Variants in NCAM1 observed in about 807,000 individuals in gnomAD.
The protein encoded by NCAM1 is antigen recognized by monoclonal antibody 5.1H11.
In NCAM1, 14 loss-of-function variants were observed where a neutral mutation model predicts 109.8. The observed-to-expected ratio is 0.13, with a 90% CI of 0.08 to 0.20. NCAM1 has a LOEUF of 0.20. Ranked by LOEUF, NCAM1 falls within the 10% of genes least tolerant of loss-of-function variation. The probability of loss-of-function intolerance (pLI) is 1.00; values close to 1 mark genes in which losing one functional copy is unlikely to be tolerated. For missense variants in NCAM1, 774 were observed against 1,109.9 expected (o/e 0.70, Z 4.30); for synonymous variants, 418 against 442.9 (o/e 0.94, Z 0.70).
At chr11:113,060,322 A>C (rs1953872522) in intron 1 of NCAM1, among the ~76,000 whole-genome samples, 1 of 152,144 alleles carries the variant, frequency 6.6e-6, no homozygotes, top group African/African-American at 2.4e-5. Context: ...TGCCCATTTT[A>C]TGAACTAAAT....
intron 17 of NCAM1, among the ~76,000 whole-genome samples, chr11:113,265,648 T>G (rs1555124297): frequency 1.3e-5 from 2 of 152,204 alleles, no homozygotes; most frequent in Admixed American, 1.3e-4. Context: ...AGACGCATCC[T>G]GCAAGCCCCT....
chr11:113,112,386 AATTG>A (rs1415921516), intron 1 of NCAM1, among the ~76,000 whole-genome samples: 3 of 152,200 alleles, frequency 2.0e-5, no homozygotes, highest in African/African-American at 4.8e-5. Flanking sequence ...CAGAAAATAA[AATTG>A]ATTGTTTTCC....
At chr11:113,181,156 T>G (rs1943318422) in intron 1 of NCAM1, among the ~76,000 whole-genome samples, 1 of 151,988 alleles carries the variant, frequency 6.6e-6, no homozygotes, top group Non-Finnish European at 1.5e-5. Flanking sequence ...CCACTTAGAG[T>G]AATTTGCTAC....
intron 1 of NCAM1, among the ~76,000 whole-genome samples, chr11:113,072,567 C>G (rs1415285206): frequency 6.6e-6 from 1 of 152,116 alleles, no homozygotes; most frequent in Non-Finnish European, 1.5e-5. Flanking sequence ...GTAGATTTCT[C>G]ATACATTACC....
At chr11:113,010,466 A>G (rs1555074191) in intron 1 of NCAM1, among the ~76,000 whole-genome samples, 1 of 152,164 alleles carries the variant, frequency 6.6e-6, no homozygotes, top group Non-Finnish European at 1.5e-5. Context: ...TTTCAATACA[A>G]TAGCTGATAA....
chr11:112,976,975 G>A (rs200011835), intron 1 of NCAM1, among the ~76,000 whole-genome samples: 1 of 113,210 alleles, frequency 8.8e-6, no homozygotes, highest in African/African-American at 3.4e-5. Flanking sequence ...GCAAACGTCA[G>A]GTAATTCTAT....
Position 113,185,079 on chromosome 11 carries a change from T to TATATATATATATATATATAG in NCAM1, c.53-17299_53-17298insTATATATATATATATATAGA. Among the ~76,000 whole-genome samples the TATATATATATATATATATAG allele has an allele frequency of 2.0e-3, 257 of 125,680 alleles. 2 individuals are homozygous for TATATATATATATATATATAG. The highest frequency in any genetic ancestry group is 2.8e-3 in the African/African-American group (88 of 31,628). 82.5% of individuals were successfully genotyped at this position (125,680 alleles called of 152,430 possible). ...GTGTGCATTTATATTTATATATATA[T>TATATATATATATATATATAG]AGAGAGAGAGAGAGAGAGAGAGAGA... On this transcript the variant is annotated intron_variant, in intron 1 of 19. Transcript: ENST00000316851.
chr11:113,055,998 T>TATATATATAAA (rs1555082505), intron 1 of NCAM1, among the ~76,000 whole-genome samples: 2 of 114,318 alleles, frequency 1.7e-5, no homozygotes, highest in African/African-American at 7.8e-5. Flanking sequence ...TATATATATA[T>TATATATATAAA]ATATATATAT....
intron 1 of NCAM1, among the ~76,000 whole-genome samples, chr11:113,198,909 C>A (rs544513660): frequency 1.8e-4 from 28 of 152,102 alleles, no homozygotes; most frequent in Admixed American, 5.9e-4. Flanking sequence ...ATAATATTGG[C>A]CTTTTTATCA....
Position 113,143,890 on chromosome 11 carries a change from G to C in NCAM1, c.53-58489G>C, listed in dbSNP as rs375189913. The stretch of plus-strand genomic sequence containing the variant: ...GTGGAAGTAGTGATAAGAAAATGAA[G>C]ATCCAGGAAAGAGCTGTCACAGAAA... On this transcript the variant is annotated intron_variant, in intron 1 of 19. Transcript: ENST00000316851. 7.2e-5 allele frequency among the ~76,000 whole-genome samples: 11 copies of C among 152,304 alleles called. No homozygotes were observed. In the East Asian group the frequency reaches 2.1e-3, roughly 29 times the overall value.
chr11:112,984,949 A>AT (rs58291228), intron 1 of NCAM1, among the ~76,000 whole-genome samples: 58 of 148,932 alleles, frequency 3.9e-4, no homozygotes, highest in Non-Finnish European at 6.3e-4. Context: ...GCACTATCCT[A>AT]TTTTTTTTTT....
At position 113,005,054 on chromosome 11, in the gene NCAM1, C is replaced by G. The variant is rs781868797; in HGVS notation, c.52+43390C>G. 2.0e-5 allele frequency among the ~76,000 whole-genome samples: 3 copies of G among 151,956 alleles called. No homozygotes were observed. In the East Asian group the frequency reaches 5.8e-4, roughly 29 times the overall value. On this transcript the variant is annotated intron_variant, in intron 1 of 19. Coordinates refer to ENST00000316851, the MANE Select transcript of NCAM1 (RefSeq NM_181351.5). ...CTCTTTCTTGATGTTCTGTCCTCCC[C>G]CAAGCTCTTGTTTTATAGATGTAGT...
chr11:113,034,015 C>T (rs1445439490), intron 1 of NCAM1, among the ~76,000 whole-genome samples: 2 of 152,066 alleles, frequency 1.3e-5, no homozygotes, highest in Non-Finnish European at 2.9e-5. Flanking sequence ...TAGATTTGGC[C>T]TAGTTTCTTT....
intron 1 of NCAM1, among the ~76,000 whole-genome samples, chr11:113,179,210 A>G (rs899431661): frequency 3.1e-4 from 47 of 152,198 alleles, no homozygotes; most frequent in African/African-American, 1.1e-3. Flanking sequence ...ACTGTCATAT[A>G]CTTTTTAATT....
rs1313370654 is a variant in NCAM1, at chr11:113,273,594, G to A, written c.2457-1673G>A. 1.8e-5 allele frequency: 8 copies of A among 440,760 alleles called. No individual in the cohort carries two copies. In the East Asian group the frequency reaches 2.1e-4, roughly 12 times the overall value. 27.3% of individuals were successfully genotyped at this position (440,760 alleles called of 1,614,324 possible). ...CCAGGGCGAGGACTTTAAAATGGACGAAGGGAACTTCAAGACCCCAGATAT... is the reference window on the plus strand; with the variant it reads ...CCAGGGCGAGGACTTTAAAATGGACAAAGGGAACTTCAAGACCCCAGATAT... On this transcript the variant is annotated intron_variant, in intron 19 of 19. Coordinates refer to ENST00000316851, the MANE Select transcript of NCAM1 (RefSeq NM_181351.5). The surrounding 1 kb of genome is among the most constrained non-coding windows in gnomAD (Gnocchi z 6.0).
At chr11:113,172,806 T>G (rs1458751027) in intron 1 of NCAM1, among the ~76,000 whole-genome samples, 2 of 152,198 alleles carry the variant, frequency 1.3e-5, no homozygotes, top group Admixed American at 1.3e-4. Flanking sequence ...AGTGCTGCAT[T>G]GTCTATTTCG....
intron 8 of NCAM1, 130 bp downstream of exon 8, chr11:113,214,641 G>C: frequency 9.7e-7 from 1 of 1,031,994 alleles, no homozygotes; most frequent in Non-Finnish European, 1.4e-6. Context: ...GCCAGATCCC[G>C]GGGCCTCCCT....
At chr11:113,087,009 G>T (rs1160732785) in intron 1 of NCAM1, among the ~76,000 whole-genome samples, 1 of 152,190 alleles carries the variant, frequency 6.6e-6, no homozygotes, top group South Asian at 2.1e-4. Flanking sequence ...CATGGCAACT[G>T]TGCAGATTAG....
intron 1 of NCAM1, among the ~76,000 whole-genome samples, chr11:113,194,866 T>A (rs1943807184): frequency 6.6e-6 from 1 of 152,212 alleles, no homozygotes; most frequent in Non-Finnish European, 1.5e-5. Context: ...TAAACTTAGT[T>A]GATTTGGAAA....
Sources: gnomAD v4.1 joint callset for allele counts (sites outside exome capture counted in the v4.1 genomes callset) on GRCh38, gnomAD v4.1.1 for gene constraint, Gnocchi (gnomAD v3.1) non-coding constraint, MANE v1.5 for transcripts, NCBI Gene and HGNC (gene_info 2026-07-23, HGNC 2026-07-21) for gene names.